Variants in FHIT observed in about 807,000 individuals in gnomAD.
FHIT encodes fragile histidine triad diadenosine triphosphatase.
In FHIT, 19 loss-of-function variants were observed where a neutral mutation model predicts 17.9. That is an observed-to-expected ratio of 1.06 (90% confidence interval 0.74 to 1.56). The LOEUF is 1.56. FHIT is among the 40% of genes most tolerant of loss of function. The pLI, the probability that FHIT is intolerant of heterozygous loss-of-function variation, is 0.00. For missense variants in FHIT, 248 were observed against 189.2 expected (o/e 1.31, Z -1.82); for synonymous variants, 81 against 69.7 (o/e 1.16, Z -0.81).
intron 2 of FHIT, among the ~76,000 whole-genome samples, chr3:61,172,753 G>A (rs2038043888): frequency 8.1e-6 from 1 of 123,700 alleles, no homozygotes; most frequent in Non-Finnish European, 1.9e-5. Context: ...AAATCCACGT[G>A]CCTAGAATGC....
At chr3:60,110,647 A>G (rs76157496) in intron 5 of FHIT, among the ~76,000 whole-genome samples, 4,139 of 152,274 alleles carry the variant, frequency 0.027, 197 homozygotes, top group African/African-American at 0.095. Flanking sequence ...ACATACTAAC[A>G]TGACTTCATA....
chr3:60,631,609 T>C (rs920437191), intron 4 of FHIT, among the ~76,000 whole-genome samples: 4 of 152,128 alleles, frequency 2.6e-5, no homozygotes, highest in Admixed American at 6.5e-5. Context: ...GAGATAACTT[T>C]ATGAAAAATA....
chr3:60,053,213 C>T (rs543693358), intron 5 of FHIT, among the ~76,000 whole-genome samples: 1 of 151,858 alleles, frequency 6.6e-6, no homozygotes, highest in Non-Finnish European at 1.5e-5. Flanking sequence ...CATAGAGAGG[C>T]CTTCCCTAAC....
At chr3:61,078,941 A>G (rs2035049609) in intron 2 of FHIT, among the ~76,000 whole-genome samples, 2 of 152,144 alleles carry the variant, frequency 1.3e-5, no homozygotes. Context: ...TTTAAAGAAC[A>G]TTTTCTTCTA....
intron 4 of FHIT, among the ~76,000 whole-genome samples, chr3:60,583,252 T>A (rs781835528): frequency 1.3e-5 from 2 of 151,974 alleles, no homozygotes; most frequent in African/African-American, 2.4e-5. Context: ...CCCTTTCCAA[T>A]CCATTAAAAA....
chr3:60,271,582 G>A (rs1706868470), intron 5 of FHIT, among the ~76,000 whole-genome samples: 1 of 152,152 alleles, frequency 6.6e-6, no homozygotes, highest in African/African-American at 2.4e-5. Flanking sequence ...AGTTCTTGAT[G>A]TTAGTACTGC....
rs1455218613 is a variant in FHIT at position 59,747,794 on chromosome 3, T to A, written c.*1791A>T. Among the ~76,000 whole-genome samples the A allele has an allele frequency of 6.6e-6, 1 of 151,378 alleles. No individual in the cohort carries two copies. Among genetic ancestry groups the A allele is most frequent in the Non-Finnish European group, 1.5e-5 (1 of 67,806 alleles). On this transcript the variant is annotated 3_prime_UTR_variant, in exon 10 of 10. Transcript: ENST00000492590. ...TGTCTTCTTGATATGCCTGCAGGGG[T>A]TGGGGGGAGGTGGGTGGGTGGAAAG...
chr3:60,208,364 A>C (rs1703297268), intron 5 of FHIT, among the ~76,000 whole-genome samples: 1 of 146,362 alleles, frequency 6.8e-6, no homozygotes, highest in Non-Finnish European at 1.5e-5. Context: ...GTGTACTCTG[A>C]AATCACCTCC....
intron 2 of FHIT, among the ~76,000 whole-genome samples, chr3:61,144,470 T>G (rs1576098098): frequency 6.6e-6 from 1 of 152,364 alleles, no homozygotes; most frequent in East Asian, 1.9e-4. Context: ...TGTTTCCACT[T>G]TTTGGCAATT....
At chr3:60,088,878 G>T (rs1178013361) in intron 5 of FHIT, among the ~76,000 whole-genome samples, 3 of 152,158 alleles carry the variant, frequency 2.0e-5, no homozygotes, top group African/African-American at 7.2e-5. Context: ...ACACATGGTA[G>T]GTACTCAATA....
chr3:60,394,927 G>A (rs1701375476), intron 5 of FHIT, among the ~76,000 whole-genome samples: 3 of 152,140 alleles, frequency 2.0e-5, no homozygotes, highest in African/African-American at 7.2e-5. Flanking sequence ...AGACTATATA[G>A]GACTTGGTAA....
chr3:60,782,441 G>A (rs1164470789), intron 4 of FHIT, among the ~76,000 whole-genome samples: 3 of 152,052 alleles, frequency 2.0e-5, no homozygotes, highest in South Asian at 2.1e-4. Context: ...ACCAGATGAG[G>A]GTATTAAGGG....
chr3:60,532,688 C>T (rs1188512831), intron 5 of FHIT, among the ~76,000 whole-genome samples: 1 of 152,204 alleles, frequency 6.6e-6, no homozygotes, highest in Non-Finnish European at 1.5e-5. Context: ...TGGCAAGGAA[C>T]AGAAGCGTTT....
intron 4 of FHIT, among the ~76,000 whole-genome samples, chr3:60,760,564 T>A (rs1253603758): frequency 6.6e-6 from 1 of 152,224 alleles, no homozygotes; most frequent in Non-Finnish European, 1.5e-5. Flanking sequence ...ATGAAAGATA[T>A]TAATTTTCAT....
chr3:60,162,639 A>G (rs1218954501), intron 5 of FHIT, among the ~76,000 whole-genome samples: 2 of 152,186 alleles, frequency 1.3e-5, no homozygotes, highest in African/African-American at 4.8e-5. Flanking sequence ...ACTTTATGAA[A>G]TGCATTTCAT....
In FHIT at chr3:60,517,114, T is replaced by A. The variant is rs192829046; in HGVS notation, c.103+19746A>T. Among the ~76,000 whole-genome samples the A allele has an allele frequency of 4.6e-3, 698 of 152,278 alleles. 2 individuals are homozygous for A. The highest frequency in any genetic ancestry group is 0.012 in the Admixed American group (178 of 15,294). On this transcript the variant is annotated intron_variant, in intron 5 of 9. Transcript: ENST00000492590. ...TGTTAAGCTGACAAATTCCAAGGTA[T>A]CTCTTAATGACAAAAAGTGGGTGAA...
At chr3:60,664,357 T>C (rs1054085908) in intron 4 of FHIT, among the ~76,000 whole-genome samples, 3 of 152,102 alleles carry the variant, frequency 2.0e-5, no homozygotes, top group Non-Finnish European at 2.9e-5. Flanking sequence ...TAATTCTTTT[T>C]ATTCTTTGCT....
chr3:60,037,529 C>A (rs570600753), intron 5 of FHIT, among the ~76,000 whole-genome samples: 1 of 151,336 alleles, frequency 6.6e-6, no homozygotes, highest in Admixed American at 6.6e-5. Context: ...ACTACAGGCA[C>A]GCACCACCGC....
At chr3:60,028,033 T>C (rs1278025266) in intron 5 of FHIT, among the ~76,000 whole-genome samples, 2 of 152,210 alleles carry the variant, frequency 1.3e-5, no homozygotes, top group Non-Finnish European at 2.9e-5. Flanking sequence ...AGTAATCACT[T>C]GTAGCTAGTA....
Sources: allele counts gnomAD v4.1 joint callset (sites outside exome capture counted in the v4.1 genomes callset), GRCh38; gene constraint gnomAD v4.1.1; transcripts MANE v1.5; gene names NCBI Gene and HGNC (gene_info 2026-07-23, HGNC 2026-07-21).